PLD5: variants seen among roughly 807,000 people sequenced by gnomAD.
PLD5 encodes inactive phospholipase D5.
Under a neutral mutation model 61.1 loss-of-function variants are expected in PLD5, and 36 were observed. The observed-to-expected ratio is 0.59, with a 90% confidence interval of 0.45 to 0.78. PLD5 has a LOEUF of 0.78. Ranked by LOEUF, PLD5 falls within the 30% of genes least tolerant of loss-of-function variation. The probability of loss-of-function intolerance (pLI) is 0.00; values close to 1 mark genes in which losing one functional copy is unlikely to be tolerated. For synonymous variants in PLD5, 243 were observed against 242.8 expected (o/e 1.00, Z -0.01); for missense variants, 515 against 644.4 (o/e 0.80, Z 2.17).
At chr1:242,189,580 GAA>G (rs140738159) in intron 5 of PLD5, among the ~76,000 whole-genome samples, 39,718 of 151,546 alleles carry the variant, frequency 0.26, 5,598 homozygotes, top group South Asian at 0.39. Context: ...CCATACTATT[GAA>G]CAAGAAAGAG....
intron 5 of PLD5, among the ~76,000 whole-genome samples, chr1:242,215,685 C>A (rs956808967): frequency 6.6e-6 from 1 of 152,076 alleles, no homozygotes; most frequent in African/African-American, 2.4e-5. Flanking sequence ...GGACCTAACC[C>A]GGTACCAGAA....
chr1:242,384,073 A>C (rs972539352), intron 1 of PLD5, among the ~76,000 whole-genome samples: 1 of 152,170 alleles, frequency 6.6e-6, no homozygotes, highest in African/African-American at 2.4e-5. Context: ...GGACTTTAAG[A>C]TTCCACTTTG....
At chr1:242,221,539 G>A (rs1164818089) in intron 4 of PLD5, among the ~76,000 whole-genome samples, 1 of 152,186 alleles carries the variant, frequency 6.6e-6, no homozygotes, top group Non-Finnish European at 1.5e-5. Context: ...GCTTCCTTGT[G>A]GCAGGAGGAT....
intron 9 of PLD5, among the ~76,000 whole-genome samples, chr1:242,093,996 C>T (rs566564465): frequency 2.0e-5 from 3 of 152,180 alleles, no homozygotes; most frequent in African/African-American, 7.2e-5. Flanking sequence ...TTTCCACAGG[C>T]CGATAAAGGA....
chr1:242,465,721 G>A (rs1205341733), intron 1 of PLD5, among the ~76,000 whole-genome samples: 1 of 152,176 alleles, frequency 6.6e-6, no homozygotes, highest in South Asian at 2.1e-4. Context: ...GAGGTCAGGA[G>A]TTCAAGACTG....
chr1:242,177,017 C>A (rs12143642), intron 5 of PLD5, among the ~76,000 whole-genome samples: 35,461 of 152,064 alleles, frequency 0.23, 4,546 homozygotes, highest in South Asian at 0.35. Context: ...GACAGTGTGG[C>A]AATTCCTCAA....
At chr1:242,368,594 C>T (rs983027254) in intron 1 of PLD5, among the ~76,000 whole-genome samples, 1 of 152,138 alleles carries the variant, frequency 6.6e-6, no homozygotes. Context: ...GTGGCATCTG[C>T]ATAGGGCATG....
At chr1:242,432,415 A>C (rs1014375105) in intron 1 of PLD5, among the ~76,000 whole-genome samples, 1 of 152,212 alleles carries the variant, frequency 6.6e-6, no homozygotes, top group Non-Finnish European at 1.5e-5. Context: ...CTCCTTGTGA[A>C]GTCTAATGGA....
chr1:242,151,762 C>G (rs1175548077), intron 5 of PLD5, among the ~76,000 whole-genome samples: 1 of 152,056 alleles, frequency 6.6e-6, no homozygotes, highest in Non-Finnish European at 1.5e-5. Context: ...ATAAATTACT[C>G]AAGTACATAA....
intron 3 of PLD5, 41 bp downstream of exon 3, chr1:242,288,321 A>G: frequency 6.3e-7 from 1 of 1,588,220 alleles, no homozygotes; most frequent in Non-Finnish European, 8.5e-7. Flanking sequence ...TGGAAAATGC[A>G]CATAAGTAAA....
At chr1:242,486,108 A>T (rs1667951156) in intron 1 of PLD5, among the ~76,000 whole-genome samples, 1 of 152,142 alleles carries the variant, frequency 6.6e-6, no homozygotes, top group Admixed American at 6.6e-5. Context: ...AAACCATAAA[A>T]ACCCTAGAAG....
At chr1:242,184,304 A>C (rs1667732832) in intron 5 of PLD5, among the ~76,000 whole-genome samples, 2 of 152,208 alleles carry the variant, frequency 1.3e-5, no homozygotes. Context: ...CACAGCACCT[A>C]CGTGAATTTG....
At chr1:242,312,384 G>A (rs565170795) in intron 2 of PLD5, among the ~76,000 whole-genome samples, 12 of 152,100 alleles carry the variant, frequency 7.9e-5, no homozygotes, top group East Asian at 3.9e-4. Flanking sequence ...TTCTAGCCAC[G>A]TATCTTCCTT....
At chr1:242,506,869 C>T (rs547459077) in intron 1 of PLD5, among the ~76,000 whole-genome samples, 2 of 152,310 alleles carry the variant, frequency 1.3e-5, no homozygotes, top group African/African-American at 4.8e-5. Context: ...GCAATGCCAG[C>T]CTCTGCACCA....
chr1:242,505,831 C>T (rs974276039), intron 1 of PLD5, among the ~76,000 whole-genome samples: 2 of 152,224 alleles, frequency 1.3e-5, no homozygotes, highest in Non-Finnish European at 2.9e-5. Context: ...GGAATCATTA[C>T]CTCCTTCACC....
intron 5 of PLD5, among the ~76,000 whole-genome samples, chr1:242,164,049 G>C (rs547361576): frequency 6.6e-6 from 1 of 152,056 alleles, no homozygotes; most frequent in African/African-American, 2.4e-5. Flanking sequence ...TGAAGACCAT[G>C]TATGTGCAAA....
chr1:242,159,232 G>C lies in PLD5; in HGVS notation c.736-34567C>G, dbSNP rs1042714920. 1.1e-4 allele frequency among the ~76,000 whole-genome samples: 17 copies of C among 152,114 alleles called. 1 individual carries two copies. The highest frequency in any genetic ancestry group is 3.9e-4 in the African/African-American group (16 of 41,388). ...TTCTTCTAGGTGTTGGATATAGAAA[G>C]GTAAAAGTCATCTAGTTAAGATTTC... is the stretch of plus-strand genomic sequence containing the variant. On this transcript the variant is annotated intron_variant, in intron 5 of 9. Coordinates refer to ENST00000536534, the MANE Select transcript of PLD5 (RefSeq NM_001372062.1).
intron 1 of PLD5, among the ~76,000 whole-genome samples, chr1:242,369,181 T>C (rs1333662878): frequency 6.6e-6 from 1 of 152,092 alleles, no homozygotes; most frequent in Non-Finnish European, 1.5e-5. Context: ...TAGTGAAAAA[T>C]ATATGTCTTC....
chr1:242,246,974 CTTTTTTTT>C (rs74466537), intron 4 of PLD5, among the ~76,000 whole-genome samples: 1 of 135,806 alleles, frequency 7.4e-6, no homozygotes, highest in Non-Finnish European at 1.6e-5. Context: ...TTTAGGGATT[CTTTTTTTT>C]TTTTTTTTTT....
Sources: allele counts gnomAD v4.1 joint callset (sites outside exome capture counted in the v4.1 genomes callset), GRCh38; gene constraint gnomAD v4.1.1; transcripts MANE v1.5; gene names NCBI Gene and HGNC (gene_info 2026-07-23, HGNC 2026-07-21).